Variants in LRP1B observed in about 807,000 individuals in gnomAD.
The protein encoded by LRP1B is LDL receptor related protein 1B, also known as low-density lipoprotein receptor-related protein 1B.
A neutral mutation model predicts 556.6 loss-of-function variants in LRP1B; 217 were observed. That is an observed-to-expected ratio of 0.39 (90% CI 0.35 to 0.44). LRP1B has a LOEUF of 0.44. Among genes scored for constraint, LRP1B ranks in the 20% least tolerant of loss-of-function variants. The probability of loss-of-function intolerance (pLI) is 1.00; values close to 1 mark genes in which losing one functional copy is unlikely to be tolerated. For synonymous variants in LRP1B, 2,047 were observed against 1,865.8 expected, an observed-to-expected ratio of 1.10 and a Z score of -2.50; for missense variants, 5,053 against 5,620.8, an observed-to-expected ratio of 0.90 and a Z score of 3.23.
intron 59 of LRP1B, among the ~76,000 whole-genome samples, 156 bp from the exon 60 acceptor site, chr2:140,475,493 A>G (rs1687937738): frequency 6.6e-6 from 1 of 150,868 alleles, no homozygotes; most frequent in Non-Finnish European, 1.5e-5. Flanking sequence ...AAAATTTCTT[A>G]TGGTGTTTTA....
In LRP1B at chr2:140,831,672, G is replaced by A. The variant is rs142990195; in HGVS notation, c.5209+8319C>T. Among the ~76,000 whole-genome samples the A allele has an allele frequency of 1.9e-3, 283 of 151,976 alleles. 1 individual carries two copies. The highest frequency in any genetic ancestry group is 6.4e-3 in the African/African-American group (265 of 41,448). On this transcript the variant is annotated intron_variant, in intron 31 of 90. Transcript: ENST00000389484. ...GCAACAAAAGCAAAAATAGCAAATG[G>A]GATTATATGAAACAAAAAGGTTTCT...
intron 87 of LRP1B, among the ~76,000 whole-genome samples, chr2:140,241,381 T>C (rs1680940589): frequency 6.6e-6 from 1 of 150,824 alleles, no homozygotes; most frequent in Non-Finnish European, 1.5e-5. Context: ...AAAATTTGTA[T>C]AAAATTGGTG....
At chr2:142,078,128 C>A (rs575012445) in intron 1 of LRP1B, among the ~76,000 whole-genome samples, 1 of 152,104 alleles carries the variant, frequency 6.6e-6, no homozygotes, top group African/African-American at 2.4e-5. Context: ...ATCTGCCACA[C>A]GATATGCATA....
At chr2:141,436,076 T>G (rs1680754616) in intron 3 of LRP1B, among the ~76,000 whole-genome samples, 1 of 152,230 alleles carries the variant, frequency 6.6e-6, no homozygotes, top group Non-Finnish European at 1.5e-5. Context: ...CTCTTTCTGT[T>G]CTTTCAAAAA....
intron 30 of LRP1B, 106 bp downstream of exon 30, chr2:140,840,812 T>C (rs1027718423): frequency 1.3e-6 from 1 of 774,762 alleles, no homozygotes; most frequent in East Asian, 2.9e-5. Context: ...TTAACTCTTA[T>C]GGCTGTTATA....
chr2:141,145,144 T>A (rs1701749076), intron 7 of LRP1B, among the ~76,000 whole-genome samples: 1 of 152,230 alleles, frequency 6.6e-6, no homozygotes. Flanking sequence ...CAATATTAGA[T>A]TCGCATAAAC....
rs561553520 is a variant in LRP1B, at chr2:140,807,171, G to T, written c.5359+6486C>A. On this transcript the variant is annotated intron_variant, in intron 32 of 90. Coordinates refer to ENST00000389484, the MANE Select transcript of LRP1B (RefSeq NM_018557.3). ...AAATGTCAAAAGTTGTGAGGAAAAA[G>T]ATAAATAAAAATTAAAAATCCCTGT... Among the ~76,000 whole-genome samples the T allele has an allele frequency of 2.0e-3, 304 of 152,116 alleles. 2 individuals are homozygous for T. Among genetic ancestry groups the T allele is most frequent in the Non-Finnish European group, 1.0e-3 (69 of 67,980 alleles).
intron 35 of LRP1B, among the ~76,000 whole-genome samples, chr2:140,756,792 A>G (rs980236702): frequency 6.6e-6 from 1 of 152,186 alleles, no homozygotes; most frequent in Non-Finnish European, 1.5e-5. Flanking sequence ...AAAAAGCACA[A>G]GCAACAAAAG....
At position 140,881,253 on chromosome 2, in the gene LRP1B, A is replaced by T. The variant is rs574184476; in HGVS notation, c.4169+2564T>A. Among the ~76,000 whole-genome samples, 430 of 149,132 alleles carry T rather than the reference A, an allele frequency of 2.9e-3. 3 individuals carry two copies. The highest frequency in any genetic ancestry group is 6.9e-3 in the African/African-American group (279 of 40,560). On this transcript the variant is annotated intron_variant, in intron 25 of 90. Coordinates refer to ENST00000389484, the MANE Select transcript of LRP1B (RefSeq NM_018557.3). ...TTGTGCTTGGCTTGGCTTTGCTGTA[A>T]GTGTGTGTGTGTGTGTGTGTGTGCG...
intron 41 of LRP1B, 41 bp downstream of exon 41, chr2:140,700,209 T>C (rs754897234): frequency 5.3e-6 from 8 of 1,495,582 alleles, no homozygotes; most frequent in South Asian, 4.7e-5. Flanking sequence ...ATCTAAATGA[T>C]ACTCATTTCC....
intron 35 of LRP1B, among the ~76,000 whole-genome samples, chr2:140,750,042 C>T (rs571483996): frequency 1.1e-4 from 17 of 151,726 alleles, no homozygotes; most frequent in African/African-American, 3.9e-4. Context: ...ACAAACATGT[C>T]ATTAGGTGGT....
intron 2 of LRP1B, among the ~76,000 whole-genome samples, chr2:141,646,285 A>C (rs1316247029): frequency 6.6e-6 from 1 of 152,156 alleles, no homozygotes; most frequent in African/African-American, 2.4e-5. Flanking sequence ...AAATGTATAT[A>C]GTGTAGAGAG....
At chr2:140,540,407 A>C (rs576689687) in intron 45 of LRP1B, among the ~76,000 whole-genome samples, 1 of 152,254 alleles carries the variant, frequency 6.6e-6, no homozygotes, top group Non-Finnish European at 1.5e-5. Context: ...TTGGAAACTT[A>C]GCTGTTAATA....
intron 1 of LRP1B, among the ~76,000 whole-genome samples, chr2:142,071,828 C>T (rs1315529288): frequency 2.0e-5 from 3 of 151,918 alleles, no homozygotes; most frequent in Non-Finnish European, 4.4e-5. Flanking sequence ...CTTCTCTCTC[C>T]AAAACCTCAG....
chr2:140,408,254 TA>T lies in LRP1B; in HGVS notation c.10415-22246del, dbSNP rs1472188934. ...TATATTGCTTGGGTGATGAGTGCACTAAAATCTTAGAATTCACCACTATAAA... is the reference window on the plus strand; with the variant it reads ...TATATTGCTTGGGTGATGAGTGCACTAAATCTTAGAATTCACCACTATAAA... On this transcript the variant is annotated intron_variant, in intron 66 of 90. Transcript: ENST00000389484. 3.3e-5 allele frequency among the ~76,000 whole-genome samples: 5 copies of T among 151,880 alleles called. No individual in the cohort carries two copies. The East Asian group carries it at 9.6e-4, about 29-fold the overall frequency.
intron 1 of LRP1B, among the ~76,000 whole-genome samples, chr2:142,089,906 CAGTTT>C (rs901573702): frequency 3.9e-5 from 6 of 151,906 alleles, no homozygotes; most frequent in African/African-American, 1.5e-4. Context: ...TGATATTATC[CAGTTT>C]TGGTTTTATC....
At chr2:141,067,895 A>G (rs1699522275) in intron 7 of LRP1B, among the ~76,000 whole-genome samples, 1 of 151,926 alleles carries the variant, frequency 6.6e-6, no homozygotes, top group Admixed American at 6.6e-5. Context: ...CTGCATATCA[A>G]AGTAAAGGGG....
At chr2:140,984,358 TA>T (rs1439677979) in intron 17 of LRP1B, among the ~76,000 whole-genome samples, 1 of 152,034 alleles carries the variant, frequency 6.6e-6, no homozygotes, top group African/African-American at 2.4e-5. Context: ...ATTCTTTAAC[TA>T]TTTCATTCCT....
intron 1 of LRP1B, among the ~76,000 whole-genome samples, chr2:141,908,631 G>A (rs1699824060): frequency 6.6e-6 from 1 of 151,978 alleles, no homozygotes; most frequent in Non-Finnish European, 1.5e-5. Context: ...TATATAACAT[G>A]TAATAAAGAC....
Sources: allele counts gnomAD v4.1 joint callset (sites outside exome capture counted in the v4.1 genomes callset), GRCh38; gene constraint gnomAD v4.1.1; transcripts MANE v1.5; gene names NCBI Gene and HGNC (gene_info 2026-07-23, HGNC 2026-07-21).